VPS13D: variants seen among roughly 807,000 people sequenced by gnomAD.
VPS13D encodes the protein vacuolar protein sorting 13 homolog D.
Under a neutral mutation model 461.9 loss-of-function variants are expected in VPS13D, and 187 were observed. That is an observed-to-expected ratio of 0.40 (90% CI 0.36 to 0.46). VPS13D has a LOEUF of 0.46. Among genes scored for constraint, VPS13D ranks in the 20% least tolerant of loss-of-function variants. The probability of loss-of-function intolerance (pLI) is 0.60; values close to 1 mark genes in which losing one functional copy is unlikely to be tolerated. For missense variants in VPS13D, 4,711 were observed against 5,364.9 expected (o/e 0.88, Z 3.81); for synonymous variants, 1,951 against 1,986.3 (o/e 0.98, Z 0.47).
At chr1:12,272,218 C>T (rs1452223878) in intron 17 of VPS13D, among the ~76,000 whole-genome samples, 2 of 152,104 alleles carry the variant, frequency 1.3e-5, no homozygotes, top group Admixed American at 6.6e-5. Flanking sequence ...AGCACAGTTT[C>T]TCAGGTGACA....
At chr1:12,477,042 T>C (rs574984307) in intron 67 of VPS13D, among the ~76,000 whole-genome samples, 1 of 152,364 alleles carries the variant, frequency 6.6e-6, no homozygotes, top group South Asian at 2.1e-4. Context: ...AGAAGTCTGC[T>C]TCTGCCCGGA....
chr1:12,248,610 G>T (rs1394824562), intron 5 of VPS13D, among the ~76,000 whole-genome samples: 1 of 152,222 alleles, frequency 6.6e-6, no homozygotes, highest in African/African-American at 2.4e-5. Context: ...TTCCCAGAGT[G>T]CTGGGATTAT....
At position 12,460,260 on chromosome 1, in the gene VPS13D, G is replaced by A. The variant is rs1645391973; in HGVS notation, c.12526G>A (p.Gly4176Arg). ...TSTVEGVKTE[G>R]GVSGFISGLG... is the part of the protein sequence containing the mutation. ...GACAGTGGAAGGTGTGAAAACAGAAGGGGGTGTCAGCGGTTTCATATCTGG... is the reference window on the plus strand; with the variant it reads ...GACAGTGGAAGGTGTGAAAACAGAAAGGGGTGTCAGCGGTTTCATATCTGG... The change falls in exon 67 of 70, where the codon GGG becomes AGG. Residue 4176 changes from glycine to arginine, a missense_variant. This residue lies in a region of VPS13D where 106 missense variants were observed against 206.2 expected (regional missense o/e 0.51). Transcript: ENST00000620676. 1.2e-6 allele frequency: 2 copies of A among 1,611,642 alleles called. No homozygotes were observed. Among genetic ancestry groups the A allele is most frequent in the Non-Finnish European group, 1.7e-6 (2 of 1,178,874 alleles).
chr1:12,322,819 T>A, intron 34 of VPS13D, 73 bp downstream of exon 34: 1 of 1,336,022 alleles, frequency 7.5e-7, no homozygotes, highest in South Asian at 1.3e-5. Flanking sequence ...AAAATTTTCT[T>A]TTGCACAACT....
rs930682836 is a variant in VPS13D, at chr1:12,502,277, C to T, written c.12795-4576C>T. On this transcript the variant is annotated intron_variant, in intron 68 of 69. Coordinates refer to ENST00000620676, the MANE Select transcript of VPS13D (RefSeq NM_015378.4). This position sits in a 1 kb window ranked among gnomAD's most constrained non-coding sequence, Gnocchi z 4.3. The stretch of plus-strand genomic sequence containing the variant: ...GGCCGTAACGATGACTAGAAGAGGA[C>T]AGATTGGAGAGGCATTTAGGAGGCA... Among the ~76,000 whole-genome samples, 2 of 152,126 alleles carry T rather than the reference C, an allele frequency of 1.3e-5. No homozygotes were observed. The highest frequency in any genetic ancestry group is 2.1e-4 in the South Asian group (1 of 4,822).
chr1:12,346,513 C>T (rs749466223), intron 43 of VPS13D, 92 bp from the exon 44 acceptor site: 60 of 1,314,980 alleles, frequency 4.6e-5, no homozygotes, highest in Admixed American at 7.7e-5. Context: ...TTTACAAACA[C>T]GACCCTTTGA....
chr1:12,501,530 T>A (rs1472230392), intron 68 of VPS13D, among the ~76,000 whole-genome samples: 2 of 152,242 alleles, frequency 1.3e-5, no homozygotes, highest in African/African-American at 2.4e-5. Context: ...TTTTCAACTT[T>A]CCTACTGGTA....
At chr1:12,253,158 C>CAA (rs35079980) in intron 6 of VPS13D, among the ~76,000 whole-genome samples, 4 of 85,928 alleles carry the variant, frequency 4.7e-5, no homozygotes, top group Non-Finnish European at 1.0e-4. Context: ...AACTCCATCT[C>CAA]AAAAAAAAAA....
At chr1:12,389,110 G>T (rs917840797) in intron 60 of VPS13D, among the ~76,000 whole-genome samples, 1 of 152,166 alleles carries the variant, frequency 6.6e-6, no homozygotes, top group African/African-American at 2.4e-5. Flanking sequence ...ATGTTCAAGG[G>T]CAGAAAGCAT....
At chr1:12,465,556 C>T (rs1645471315) in intron 67 of VPS13D, among the ~76,000 whole-genome samples, 1 of 152,158 alleles carries the variant, frequency 6.6e-6, no homozygotes, top group African/African-American at 2.4e-5. Flanking sequence ...TCCATTTGCT[C>T]TGAGAACTTT....
chr1:12,501,546 T>C (rs776089773), intron 68 of VPS13D, among the ~76,000 whole-genome samples: 1 of 152,230 alleles, frequency 6.6e-6, no homozygotes, highest in Non-Finnish European at 1.5e-5. Context: ...TGGTAACATG[T>C]GTCCAGCATC....
intron 46 of VPS13D, 135 bp downstream of exon 46, chr1:12,349,509 A>G (rs1643750403): frequency 1.1e-6 from 1 of 950,908 alleles, no homozygotes; most frequent in Non-Finnish European, 1.5e-6. Context: ...TTATTCCTTG[A>G]GTTTTAGTTA....
chr1:12,356,153 C>A, intron 48 of VPS13D, 63 bp downstream of exon 48: 2 of 1,523,354 alleles, frequency 1.3e-6, no homozygotes, highest in Non-Finnish European at 8.8e-7. Flanking sequence ...GATTTATTTG[C>A]TTAGCTAACT....
intron 52 of VPS13D, 111 bp downstream of exon 52, chr1:12,363,358 G>C (rs1159154140): frequency 2.6e-5 from 32 of 1,211,062 alleles, no homozygotes; most frequent in Non-Finnish European, 3.6e-5. Flanking sequence ...CTCAGACAGA[G>C]GTCTTAGAAC....
In VPS13D at chr1:12,343,033, G is replaced by A. The variant is rs1453950602; in HGVS notation, c.8867G>A (p.Arg2956Lys). ...GAGATTCCCTTTGAATTTGAAGCAAGAGGAAAGTTAAGACACAGGTAAAGT... is the reference window on the plus strand; with the variant it reads ...GAGATTCCCTTTGAATTTGAAGCAAAAGGAAAGTTAAGACACAGGTAAAGT... ...GEEIPFEFEARGKLRHRHTHD... is the reference protein window; with the variant it reads ...GEEIPFEFEAKGKLRHRHTHD... The change falls in exon 42 of 70, where the codon AGA becomes AAA. Residue 2956 changes from arginine to lysine, a missense_variant. Around this residue, in one of 3 missense-constraint regions of VPS13D, gnomAD observed 4,411 missense variants for 4,937.8 expected, o/e 0.89. Transcript: ENST00000620676. 5 of 1,612,830 alleles carry A rather than the reference G, an allele frequency of 3.1e-6. No homozygotes were observed. The South Asian group carries it at 5.5e-5, about 18-fold the overall frequency.
In VPS13D at chr1:12,353,982, T is replaced by C. The variant is rs746672736; in HGVS notation, c.9440T>C (p.Val3147Ala). ...CCATTTTATCTTCATAGGTTTTGTG[T>C]GGCTATAAAGAAAGAGAATTATCCA... ...TEKSRFFRFC[V>A]AIKKENYPDY... The change falls in exon 47 of 70, where the codon GTG becomes GCG. Residue 3147 changes from valine to alanine, a missense_variant. Around this residue, in one of 3 missense-constraint regions of VPS13D, gnomAD observed 4,411 missense variants for 4,937.8 expected, o/e 0.89. Coordinates refer to ENST00000620676, the MANE Select transcript of VPS13D (RefSeq NM_015378.4). 1 of 1,613,798 alleles carries C rather than the reference T, an allele frequency of 6.2e-7. No individual in the cohort carries two copies. Among genetic ancestry groups the C allele is most frequent in the African/African-American group, 1.3e-5 (1 of 75,036 alleles).
chr1:12,299,073 G>T lies in VPS13D; in HGVS notation c.6034-129G>T. 1.3e-6 allele frequency: 1 copy of T among 770,774 alleles called. No homozygotes were observed. Among genetic ancestry groups the T allele is most frequent in the Non-Finnish European group, 1.9e-6 (1 of 522,392 alleles). The allele number at this position is 770,774 out of a possible 1,614,324, so 47.7% of individuals were successfully genotyped here. A position where few individuals can be genotyped will look rare whatever the true frequency, so the allele number is the denominator to read the frequency against. ...TGACTTCCAGTTTAACTCCATGGTGGTCATAGAATATGCTCTGTATGATTT... is the reference window on the plus strand; with the variant it reads ...TGACTTCCAGTTTAACTCCATGGTGTTCATAGAATATGCTCTGTATGATTT... On this transcript the variant is annotated intron_variant, in intron 24 of 69. Transcript: ENST00000620676. This position sits in a 1 kb window ranked among gnomAD's most constrained non-coding sequence, Gnocchi z 4.2.
chr1:12,327,469 C>T (rs1369835741), intron 35 of VPS13D, among the ~76,000 whole-genome samples, 179 bp from the exon 36 acceptor site: 2 of 127,698 alleles, frequency 1.6e-5, no homozygotes, highest in African/African-American at 5.7e-5. Context: ...TTCCCTCCCA[C>T]CCCCCACCCC....
intron 63 of VPS13D, among the ~76,000 whole-genome samples, chr1:12,413,932 T>G (rs1286810311): frequency 6.6e-6 from 1 of 152,182 alleles, no homozygotes; most frequent in Non-Finnish European, 1.5e-5. Flanking sequence ...GTACATTCTT[T>G]ATGACCCAGT....
Sources: gnomAD v4.1 joint callset for allele counts (sites outside exome capture counted in the v4.1 genomes callset) on GRCh38, gnomAD v4.1.1 for gene constraint, gnomAD v4.1.1 regional missense constraint, Gnocchi (gnomAD v3.1) non-coding constraint, MANE v1.5 for transcripts, NCBI Gene and HGNC (gene_info 2026-07-23, HGNC 2026-07-21) for gene names.